CAPN7: variants seen among roughly 807,000 people sequenced by gnomAD.
CAPN7 encodes the protein calpain 7.
CAPN7 carries 72 observed loss-of-function variants against 115.2 expected under a neutral mutation model. The observed-to-expected ratio is 0.63, with a 90% CI of 0.52 to 0.76. The LOEUF (loss-of-function observed/expected upper bound fraction) is 0.76, where lower values mean the gene tolerates loss of function less well. CAPN7 is among the 30% of genes least tolerant of loss of function. The pLI is 0.00. For synonymous variants in CAPN7, 344 were observed against 322.3 expected, an observed-to-expected ratio of 1.07 and a Z score of -0.72; for missense variants, 905 against 971.5, an observed-to-expected ratio of 0.93 and a Z score of 0.91.
intron 6 of CAPN7, among the ~76,000 whole-genome samples, chr3:15,227,434 C>G (rs1176074505): frequency 6.6e-6 from 1 of 152,216 alleles, no homozygotes; most frequent in African/African-American, 2.4e-5. Flanking sequence ...ATTAGCTACA[C>G]TCATTATTAG....
Position 15,233,872 on chromosome 3 carries a change from T to G in CAPN7, c.1185T>G (p.Ile395Met). The change falls in exon 11 of 21, where the codon ATT becomes ATG. Residue 395 changes from isoleucine (I) to methionine (M), a missense_variant. This residue lies in a region of CAPN7 where 620 missense variants were observed against 703.4 expected (regional missense o/e 0.88). Transcript: ENST00000253693. ...GAAATGTGTTTCTGTTGCAGAATAT[T>G]GATCTTCATGCACTGACTGGCTGGA... ...GYDFPGSNSN[I>M]DLHALTGWIP... The G allele has an allele frequency of 6.3e-7, 1 of 1,576,044 alleles. No individual in the cohort carries two copies. Among genetic ancestry groups the G allele is most frequent in the Non-Finnish European group, 8.7e-7 (1 of 1,147,000 alleles).
chr3:15,227,128 G>A (rs1438366351), intron 6 of CAPN7, among the ~76,000 whole-genome samples: 1 of 146,740 alleles, frequency 6.8e-6, no homozygotes, highest in Non-Finnish European at 1.5e-5. Context: ...AAAAAAAAAA[G>A]TTTAGGGAAA....
In CAPN7 at chr3:15,230,976, TAAGGA is replaced by T. The variant is rs377411311; in HGVS notation, c.1032+445_1032+449del. On this transcript the variant is annotated intron_variant, in intron 9 of 20. Coordinates refer to ENST00000253693, the MANE Select transcript of CAPN7 (RefSeq NM_014296.3). ...TAATTTTAATTCACACAAATTTCTTTAAGGAAAGACTCTGAACTCTGTTATAAGGG... is the reference window on the plus strand; with the variant it reads ...TAATTTTAATTCACACAAATTTCTTTAAGACTCTGAACTCTGTTATAAGGG... Among the ~76,000 whole-genome samples, 286 of 152,314 alleles carry T rather than the reference TAAGGA, an allele frequency of 1.9e-3. 2 individuals carry two copies. Among genetic ancestry groups the T allele is most frequent in the African/African-American group, 6.7e-3 (278 of 41,570 alleles).
intron 17 of CAPN7, 59 bp from the exon 18 acceptor site, chr3:15,246,673 A>G (rs1695680944): frequency 2.2e-5 from 26 of 1,178,576 alleles, no homozygotes; most frequent in Non-Finnish European, 3.2e-5. Context: ...ATATTCATGT[A>G]TCACTTTGAT....
In CAPN7 at chr3:15,250,356, CAGTG is replaced by C. The variant is rs548866640; in HGVS notation, c.2205-572_2205-569del. On this transcript the variant is annotated intron_variant, in intron 19 of 20. Coordinates refer to ENST00000253693, the MANE Select transcript of CAPN7 (RefSeq NM_014296.3). ...CTCCACTGTACTCCAGCCTGGGTGA[CAGTG>C]AGACCCTGTCTCAAAAATAAAAAAG... 9.6e-3 allele frequency among the ~76,000 whole-genome samples: 1,456 copies of C among 151,850 alleles called. 27 individuals are homozygous for C. The highest frequency in any genetic ancestry group is 0.031 in the African/African-American group (1,293 of 41,422).
chr3:15,229,193 AGAT>A, intron 8 of CAPN7, 134 bp downstream of exon 8: 1 of 633,980 alleles, frequency 1.6e-6, no homozygotes, highest in Non-Finnish European at 2.8e-6. Context: ...GAAATTAAGC[AGAT>A]GATTTATGAA....
chr3:15,232,843 G>A (rs17040886), intron 10 of CAPN7, among the ~76,000 whole-genome samples, 178 bp downstream of exon 10: 7,450 of 152,216 alleles, frequency 0.049, 628 homozygotes, highest in African/African-American at 0.17. Context: ...TTGTGTATCC[G>A]GGAAAGCCTA....
At chr3:15,246,509 A>T in intron 17 of CAPN7, 1 of 447,924 alleles carries the variant, frequency 2.2e-6, no homozygotes, top group Non-Finnish European at 3.9e-6. Flanking sequence ...CACAGCCTGG[A>T]AAAATTGTGA....
rs558130681 is a variant in CAPN7 at position 15,215,776 on chromosome 3, G to GTTATAAATAATGCAGTTAAGAACATTC, written c.212-1648_212-1622dup. ...TTTGGGTTGTTTACACCTTTTGGCT[G>GTTATAAATAATGCAGTTAAGAACATTC]TTATAAATAATGCAGTTAAGAACAT... On this transcript the variant is annotated intron_variant, in intron 2 of 20. Coordinates refer to ENST00000253693, the MANE Select transcript of CAPN7 (RefSeq NM_014296.3). Among the ~76,000 whole-genome samples the GTTATAAATAATGCAGTTAAGAACATTC allele has an allele frequency of 2.7e-3, 405 of 152,288 alleles. 3 individuals carry two copies. Among genetic ancestry groups the GTTATAAATAATGCAGTTAAGAACATTC allele is most frequent in the African/African-American group, 9.3e-3 (385 of 41,542 alleles).
chr3:15,242,706 C>T (rs1041299203), intron 16 of CAPN7, among the ~76,000 whole-genome samples: 1 of 152,176 alleles, frequency 6.6e-6, no homozygotes, highest in Non-Finnish European at 1.5e-5. Flanking sequence ...TGCCTTCTTT[C>T]ACATGGTTTC....
At chr3:15,224,119 ATTG>A (rs1220890802) in intron 6 of CAPN7, among the ~76,000 whole-genome samples, 1 of 152,228 alleles carries the variant, frequency 6.6e-6, no homozygotes, top group Non-Finnish European at 1.5e-5. Flanking sequence ...GCAAAAAATT[ATTG>A]AAACAAACTG....
chr3:15,245,961 A>G (rs893311108), intron 17 of CAPN7: 2 of 214,196 alleles, frequency 9.3e-6, no homozygotes, highest in South Asian at 1.6e-4. Flanking sequence ...TTTTTGAGAC[A>G]GAGTCTTGCT....
chr3:15,248,943 C>T (rs866513686), intron 19 of CAPN7, among the ~76,000 whole-genome samples: 11 of 148,180 alleles, frequency 7.4e-5, no homozygotes, highest in African/African-American at 2.8e-4. Flanking sequence ...TTGCAGTGAT[C>T]CCAGATGATG....
intron 10 of CAPN7, among the ~76,000 whole-genome samples, 167 bp downstream of exon 10, chr3:15,232,832 C>T (rs1694772732): frequency 6.6e-6 from 1 of 152,188 alleles, no homozygotes; most frequent in African/African-American, 2.4e-5. Flanking sequence ...TATATATTTT[C>T]TTGTGTATCC....
intron 9 of CAPN7, 87 bp from the exon 10 acceptor site, chr3:15,232,432 A>C (rs967305220): frequency 2.2e-5 from 22 of 1,001,956 alleles, no homozygotes; most frequent in Middle Eastern, 2.4e-4. Flanking sequence ...ATATTTTATC[A>C]GTATGAAAGG....
chr3:15,222,012 A>G (rs1694026738), intron 5 of CAPN7, among the ~76,000 whole-genome samples: 1 of 151,672 alleles, frequency 6.6e-6, no homozygotes, highest in East Asian at 1.9e-4. Context: ...ATACGTATAT[A>G]GTATACGTAT....
chr3:15,229,567 T>C (rs980639391), intron 8 of CAPN7, among the ~76,000 whole-genome samples: 5 of 79,310 alleles, frequency 6.3e-5, no homozygotes, highest in Admixed American at 1.2e-4. Context: ...TTTTCTTTTT[T>C]TTTTTTTTTT....
chr3:15,210,925 G>A, intron 1 of CAPN7: 1 of 1,205,090 alleles, frequency 8.3e-7, no homozygotes, highest in Non-Finnish European at 1.1e-6. Context: ...CAGAGAAGGT[G>A]CTGTTACTTG....
chr3:15,230,194 T>C (rs1024287598), intron 8 of CAPN7, among the ~76,000 whole-genome samples: 3 of 152,226 alleles, frequency 2.0e-5, no homozygotes, highest in Admixed American at 1.3e-4. Context: ...TAAGTTAACA[T>C]TGAGCACTTT....
Sources: gnomAD v4.1 joint callset for allele counts (sites outside exome capture counted in the v4.1 genomes callset) on GRCh38, gnomAD v4.1.1 for gene constraint, gnomAD v4.1.1 regional missense constraint, MANE v1.5 for transcripts, NCBI Gene and HGNC (gene_info 2026-07-23, HGNC 2026-07-21) for gene names.